The following STX8 variants were observed in gnomAD, a reference collection of about 807,000 sequenced individuals.
STX8 encodes syntaxin 8.
STX8 carries 23 observed loss-of-function variants against 37.5 expected under a neutral mutation model. The observed-to-expected ratio is 0.61, with a 90% CI of 0.44 to 0.87. The LOEUF (loss-of-function observed/expected upper bound fraction) is 0.87, where lower values mean the gene tolerates loss of function less well. Among genes scored for constraint, STX8 ranks in the 40% least tolerant of loss-of-function variants. The probability of loss-of-function intolerance (pLI) is 0.00; values close to 1 mark genes in which losing one functional copy is unlikely to be tolerated. For missense variants in STX8, 313 were observed against 284.7 expected, an observed-to-expected ratio of 1.10 and a Z score of -0.71; for synonymous variants, 115 against 99.1, an observed-to-expected ratio of 1.16 and a Z score of -0.95.
intron 5 of STX8, among the ~76,000 whole-genome samples, chr17:9,499,698 G>A (rs561615891): frequency 3.3e-5 from 5 of 152,160 alleles, no homozygotes; most frequent in South Asian, 2.1e-4. Flanking sequence ...ACGCCCAGCC[G>A]GAACATAGCA....
intron 6 of STX8, among the ~76,000 whole-genome samples, chr17:9,415,345 G>C (rs73973737): frequency 6.6e-6 from 1 of 152,040 alleles, no homozygotes; most frequent in Non-Finnish European, 1.5e-5. Context: ...GTTTTCTCCT[G>C]TGTTAGTTTG....
chr17:9,509,612 C>T (rs1183352915), intron 4 of STX8, among the ~76,000 whole-genome samples: 1 of 152,028 alleles, frequency 6.6e-6, no homozygotes, highest in African/African-American at 2.4e-5. Flanking sequence ...ATAAAACTCA[C>T]TGGTAGAGCC....
chr17:9,568,387 C>A lies in STX8; in HGVS notation c.101G>T (p.Gly34Val). 1 of 1,611,682 alleles carries A rather than the reference C, an allele frequency of 6.2e-7. No individual in the cohort carries two copies. The highest frequency in any genetic ancestry group is 1.1e-5 in the South Asian group (1 of 90,894). The change falls in exon 2 of 8, where the codon GGT (glycine) becomes GTT (valine). Residue 34 changes from glycine (G) to valine (V), a missense_variant. Gly to Val is a moderately radical substitution (Grantham distance 109). Transcript: ENST00000306357. Reference sequence around the variant, plus strand: ...TGGTATTACCTTTGGTGCCTTTTCACCTTTTCTTTCATATTGATTTCGTTG... The same window carrying A: ...TGGTATTACCTTTGGTGCCTTTTCAACTTTTCTTTCATATTGATTTCGTTG... Reference protein sequence around the residue: ...IQQRNQYERKGEKAPKLTVTI... With the variant: ...IQQRNQYERKVEKAPKLTVTI...
At chr17:9,370,909 C>A (rs1911382268) in intron 7 of STX8, among the ~76,000 whole-genome samples, 1 of 144,500 alleles carries the variant, frequency 6.9e-6, no homozygotes, top group Admixed American at 7.1e-5. Context: ...GTCTAATTTG[C>A]ATTTAGAAGC....
intron 4 of STX8, among the ~76,000 whole-genome samples, chr17:9,521,342 T>C (rs538650538): frequency 3.9e-5 from 6 of 152,322 alleles, no homozygotes; most frequent in Non-Finnish European, 7.4e-5. Flanking sequence ...TGTTGATGAA[T>C]AGACTGGATA....
chr17:9,328,069 C>CTTTCT (rs1362836159), intron 7 of STX8, among the ~76,000 whole-genome samples: 5 of 150,200 alleles, frequency 3.3e-5, no homozygotes, highest in Non-Finnish European at 7.4e-5. Context: ...CTCTCTCTTT[C>CTTTCT]TTTCTTTTCT....
intron 7 of STX8, among the ~76,000 whole-genome samples, chr17:9,312,697 G>C (rs1909234402): frequency 6.6e-6 from 1 of 152,178 alleles, no homozygotes; most frequent in African/African-American, 2.4e-5. Context: ...TTAAAGAGCA[G>C]GTCTGAGTGG....
At chr17:9,571,599 CA>C (rs66741519) in intron 1 of STX8, among the ~76,000 whole-genome samples, 4,187 of 99,748 alleles carry the variant, frequency 0.042, 112 homozygotes, top group East Asian at 0.14. Context: ...GACTTTGTCT[CA>C]AAAAAAAAAA....
chr17:9,299,467 A>G (rs1908688324), intron 7 of STX8, among the ~76,000 whole-genome samples: 2 of 145,000 alleles, frequency 1.4e-5, no homozygotes, highest in Admixed American at 7.0e-5. Flanking sequence ...TTTTGAGACA[A>G]GAGTCTCACT....
chr17:9,396,665 G>C (rs113933026), intron 6 of STX8, among the ~76,000 whole-genome samples: 3,710 of 149,476 alleles, frequency 0.025, 150 homozygotes, highest in African/African-American at 0.086. Context: ...AGTCGAGATC[G>C]AGCCATTGCA....
chr17:9,312,937 T>C (rs1909243525), intron 7 of STX8, among the ~76,000 whole-genome samples: 1 of 152,090 alleles, frequency 6.6e-6, no homozygotes, highest in Non-Finnish European at 1.5e-5. Context: ...AGGCCTGTAA[T>C]CCCAGCACTT....
At chr17:9,556,798 C>T (rs1412543670) in intron 3 of STX8, 237 of 74,650 alleles carry the variant, frequency 3.2e-3, no homozygotes, top group African/African-American at 6.4e-3. Context: ...TATATATACA[C>T]ATACATATAT....
At chr17:9,430,410 A>C (rs550943896) in intron 6 of STX8, among the ~76,000 whole-genome samples, 3 of 150,904 alleles carry the variant, frequency 2.0e-5, no homozygotes, top group African/African-American at 7.3e-5. Context: ...GGTAACCTCT[A>C]ATCTACTTTC....
intron 7 of STX8, among the ~76,000 whole-genome samples, chr17:9,300,331 C>CAAAAAAAAAAA (rs3060137): frequency 2.9e-5 from 2 of 69,296 alleles, no homozygotes; most frequent in Non-Finnish European, 5.3e-5. Context: ...AACTCCATCT[C>CAAAAAAAAAAA]AAAAAAAAAA....
At chr17:9,527,592 T>C (rs1032711661) in intron 4 of STX8, among the ~76,000 whole-genome samples, 2 of 152,168 alleles carry the variant, frequency 1.3e-5, no homozygotes, top group East Asian at 1.9e-4. Flanking sequence ...AATTAATACA[T>C]GCAGGGGCAA....
In STX8 at chr17:9,422,600, C is replaced by A. The variant is rs537312667; in HGVS notation, c.542-43947G>T. On this transcript the variant is annotated intron_variant, in intron 6 of 7. Coordinates refer to ENST00000306357, the MANE Select transcript of STX8 (RefSeq NM_004853.3). ...CACTTGGCAGGATGTTTTCAAGGTT[C>A]ATCCGTGTTGTTCCATGTGTCAGTA... Among the ~76,000 whole-genome samples, 3 of 152,376 alleles carry A rather than the reference C, an allele frequency of 2.0e-5. No homozygotes were observed. In the South Asian group the frequency reaches 6.2e-4, roughly 32 times the overall value.
At chr17:9,258,146 T>G (rs890773329) in intron 7 of STX8, among the ~76,000 whole-genome samples, 5 of 152,244 alleles carry the variant, frequency 3.3e-5, no homozygotes, top group Non-Finnish European at 7.3e-5. Flanking sequence ...TTTTATTTTT[T>G]TGGCAGTTGT....
intron 7 of STX8, among the ~76,000 whole-genome samples, chr17:9,344,342 C>A (rs1236994972): frequency 2.0e-5 from 3 of 151,352 alleles, no homozygotes; most frequent in East Asian, 3.9e-4. Flanking sequence ...CTCACTGCAA[C>A]CTCTGCTTCC....
intron 4 of STX8, among the ~76,000 whole-genome samples, chr17:9,536,692 A>G (rs571054623): frequency 2.7e-4 from 41 of 152,018 alleles, no homozygotes; most frequent in Admixed American, 2.0e-3. Flanking sequence ...CTGTCTTTGT[A>G]TACATTTCCC....
Sources: allele counts gnomAD v4.1 joint callset (sites outside exome capture counted in the v4.1 genomes callset), GRCh38; gene constraint gnomAD v4.1.1; transcripts MANE v1.5; gene names NCBI Gene and HGNC (gene_info 2026-07-23, HGNC 2026-07-21).